Variants in CABLES1 observed in about 807,000 individuals in gnomAD.
CABLES1 encodes Cdk5 and Abl enzyme substrate 1, also known as CDK5 and ABL1 enzyme substrate 1.
A neutral mutation model predicts 57.8 loss-of-function variants in CABLES1; 36 were observed. That is an observed-to-expected ratio of 0.62 (90% CI 0.48 to 0.82). CABLES1 has a LOEUF of 0.82. Among genes scored for constraint, CABLES1 ranks in the 40% least tolerant of loss-of-function variants. The pLI, the probability that CABLES1 is intolerant of heterozygous loss-of-function variation, is 0.00. For missense variants in CABLES1, 767 were observed against 836.6 expected (o/e 0.92, Z 1.03); for synonymous variants, 374 against 363.0 (o/e 1.03, Z -0.35).
intron 3 of CABLES1, among the ~76,000 whole-genome samples, chr18:23,202,634 T>C (rs973060986): frequency 1.3e-5 from 2 of 152,182 alleles, no homozygotes; most frequent in African/African-American, 4.8e-5. Flanking sequence ...GCCTCGCTCA[T>C]TGCTGGCCAG....
chr18:23,233,609 A>T (rs1324413538), intron 4 of CABLES1, among the ~76,000 whole-genome samples: 1 of 152,208 alleles, frequency 6.6e-6, no homozygotes, highest in East Asian at 1.9e-4. Flanking sequence ...GCACTTTAGG[A>T]GGCCAAGACG....
chr18:23,143,207 C>T (rs1022921354), intron 1 of CABLES1, among the ~76,000 whole-genome samples: 12 of 152,130 alleles, frequency 7.9e-5, no homozygotes, highest in African/African-American at 2.9e-4. Context: ...GCATTTGGGC[C>T]CAGAGGACAG....
intron 1 of CABLES1, among the ~76,000 whole-genome samples, chr18:23,183,241 T>C (rs2047179825): frequency 6.6e-6 from 1 of 152,240 alleles, no homozygotes; most frequent in South Asian, 2.1e-4. Flanking sequence ...GGTTCTTCTG[T>C]GTACTTTCTT....
At chr18:23,253,637 A>G (rs545975586) in intron 8 of CABLES1, 92 bp from the exon 9 acceptor site, 2 of 1,077,102 alleles carry the variant, frequency 1.9e-6, no homozygotes, top group East Asian at 5.2e-5. Context: ...GGGAAAGAGA[A>G]AGAGAAAAAG....
chr18:23,230,620 A>G (rs1354109300), intron 4 of CABLES1, among the ~76,000 whole-genome samples: 2 of 152,136 alleles, frequency 1.3e-5, no homozygotes, highest in Non-Finnish European at 2.9e-5. Context: ...TTATTACTGT[A>G]TCAGCGAAGT....
chr18:23,232,830 C>T (rs1422256112), intron 4 of CABLES1, among the ~76,000 whole-genome samples: 1 of 152,158 alleles, frequency 6.6e-6, no homozygotes, highest in South Asian at 2.1e-4. Flanking sequence ...TCATGTAATG[C>T]CCAGAGACTA....
At chr18:23,138,622 G>T (rs577376773) in intron 1 of CABLES1, among the ~76,000 whole-genome samples, 6 of 152,302 alleles carry the variant, frequency 3.9e-5, no homozygotes, top group East Asian at 3.9e-4. Context: ...ACACCACGCC[G>T]CTTGTCTTAT....
At chr18:23,254,036 G>C (rs1158403658) in intron 9 of CABLES1, 100 bp downstream of exon 9, 2 of 974,640 alleles carry the variant, frequency 2.1e-6, no homozygotes, top group Non-Finnish European at 3.2e-6. Flanking sequence ...GAAGGATTCT[G>C]ATCCTTAGTC....
intron 4 of CABLES1, chr18:23,219,199 GA>G (rs970213299): frequency 1.3e-5 from 6 of 454,034 alleles, no homozygotes; most frequent in African/African-American, 4.0e-5. Flanking sequence ...TGGTGAAAGA[GA>G]AAATGTCTCT....
chr18:23,148,646 GAC>G (rs1256399814), intron 1 of CABLES1, among the ~76,000 whole-genome samples: 1 of 152,208 alleles, frequency 6.6e-6, no homozygotes, highest in Non-Finnish European at 1.5e-5. Context: ...GGGGCAGCCG[GAC>G]AGGTTAGGGG....
intron 7 of CABLES1, among the ~76,000 whole-genome samples, chr18:23,252,593 G>A (rs6507568): frequency 0.79 from 120,320 of 152,030 alleles, 48,168 homozygotes; most frequent in African/African-American, 0.89. Flanking sequence ...ATGGTCAAGT[G>A]GAGATTGAAC....
At chr18:23,249,270 G>A (rs377382735) in intron 7 of CABLES1, among the ~76,000 whole-genome samples, 1 of 152,238 alleles carries the variant, frequency 6.6e-6, no homozygotes, top group African/African-American at 2.4e-5. Flanking sequence ...AGCCTCCGTA[G>A]CACAACAGGG....
At position 23,136,322 on chromosome 18, in the gene CABLES1, C is replaced by G; in HGVS notation, c.560C>G (p.Pro187Arg). The G allele has an allele frequency of 7.1e-7, 1 of 1,407,564 alleles. No individual in the cohort carries two copies. The highest frequency in any genetic ancestry group is 9.2e-7 in the Non-Finnish European group (1 of 1,085,970). 87.2% of individuals were successfully genotyped at this position (1,407,564 alleles called of 1,614,324 possible). A position where few individuals can be genotyped will look rare whatever the true frequency, so the allele number is the denominator to read the frequency against. The change falls in exon 1 of 10, where the codon CCT becomes CGT. Residue 187 changes from proline (P) to arginine (R), a missense_variant. By Grantham distance (103) the Pro-to-Arg change is moderately radical. Transcript: ENST00000256925. Reference sequence around the variant, plus strand: ...CAGTGGCAGCCGCCCCGGCCGGCGCCTCTCGCCGCCTGTGCCCAACTGCAG... The same window carrying G: ...CAGTGGCAGCCGCCCCGGCCGGCGCGTCTCGCCGCCTGTGCCCAACTGCAG... ...GEQWQPPRPA[P>R]LAACAQLQLL...
chr18:23,202,656 G>A (rs1008053839), intron 3 of CABLES1, among the ~76,000 whole-genome samples: 7 of 152,202 alleles, frequency 4.6e-5, no homozygotes, highest in African/African-American at 7.2e-5. Flanking sequence ...AAGGACTGAC[G>A]CATCAGAAGG....
At chr18:23,201,152 A>G (rs1007454632) in intron 3 of CABLES1, among the ~76,000 whole-genome samples, 5 of 152,364 alleles carry the variant, frequency 3.3e-5, no homozygotes, top group African/African-American at 1.2e-4. Flanking sequence ...GCAAGGAGAA[A>G]TGTAATTCAG....
Position 23,136,351 on chromosome 18 carries a change from C to T in CABLES1, c.589C>T (p.Leu197Phe), listed in dbSNP as rs1167112196. The T allele has an allele frequency of 1.4e-5, 21 of 1,478,632 alleles. No homozygotes were observed. The highest frequency in any genetic ancestry group is 1.8e-5 in the Non-Finnish European group (20 of 1,115,832). The allele number at this position is 1,478,632 out of a possible 1,614,324, so 91.6% of individuals were successfully genotyped here. The stretch of plus-strand genomic sequence containing the variant: ...CGCCGCCTGTGCCCAACTGCAGCTG[C>T]TCGACGGGTCCGGGGCCGCCGGGCA... ...PLAACAQLQL[L>F]DGSGAAGQEE... is the part of the protein sequence containing the mutation. Residue 197 changes from leucine to phenylalanine, a missense_variant, in exon 1 of 10, where the codon CTC becomes TTC. Leu to Phe is a conservative substitution (Grantham distance 22). This residue lies in a region of CABLES1 where 529 missense variants were observed against 622.8 expected (regional missense o/e 0.85). Transcript: ENST00000256925.
chr18:23,137,637 T>C (rs1217838043), intron 1 of CABLES1, among the ~76,000 whole-genome samples: 1 of 152,248 alleles, frequency 6.6e-6, no homozygotes, highest in Non-Finnish European at 1.5e-5. Flanking sequence ...CCTATCATGC[T>C]TACCTGAAAG....
At chr18:23,141,599 G>A (rs534557806) in intron 1 of CABLES1, among the ~76,000 whole-genome samples, 8 of 152,228 alleles carry the variant, frequency 5.3e-5, no homozygotes, top group Non-Finnish European at 1.0e-4. Context: ...GGTCGGAGTT[G>A]TAGCCCCAGG....
At chr18:23,234,101 C>T (rs1368252178) in intron 4 of CABLES1, among the ~76,000 whole-genome samples, 2 of 152,118 alleles carry the variant, frequency 1.3e-5, no homozygotes, top group African/African-American at 4.8e-5. Context: ...GCCTGTAATC[C>T]CAGCTACTCA....
Sources: allele counts gnomAD v4.1 joint callset (sites outside exome capture counted in the v4.1 genomes callset), GRCh38; gene constraint gnomAD v4.1.1; regional missense constraint gnomAD v4.1.1; transcripts MANE v1.5; gene names NCBI Gene and HGNC (gene_info 2026-07-23, HGNC 2026-07-21).